The following DNAAF9 variants were observed in gnomAD, a reference collection of about 807,000 sequenced individuals.
DNAAF9 encodes the protein dynein axonemal assembly factor 9, also known as shulin.
In DNAAF9, 90 loss-of-function variants were observed where a neutral mutation model predicts 167.0. The ratio of observed to expected loss-of-function variants is 0.54; its 90% CI spans 0.45 to 0.64. The LOEUF (loss-of-function observed/expected upper bound fraction) is 0.64, where lower values mean the gene tolerates loss of function less well. DNAAF9 is among the 30% of genes least tolerant of loss of function. The probability of loss-of-function intolerance (pLI) is 0.00; values close to 1 mark genes in which losing one functional copy is unlikely to be tolerated. For synonymous variants in DNAAF9, 491 were observed against 508.8 expected (o/e 0.96, Z 0.47); for missense variants, 1,315 against 1,442.2 (o/e 0.91, Z 1.43).
chr20:3,326,151 C>G (rs779913044), intron 13 of DNAAF9, 46 bp downstream of exon 13: 2 of 1,332,194 alleles, frequency 1.5e-6, no homozygotes, highest in African/African-American at 2.9e-5. Context: ...GAATGTTTTA[C>G]ATTAAAATAA....
chr20:3,385,732 T>G (rs1156389248), intron 1 of DNAAF9, among the ~76,000 whole-genome samples: 1 of 152,188 alleles, frequency 6.6e-6, no homozygotes, highest in African/African-American at 2.4e-5. Flanking sequence ...AAACCAAAAT[T>G]TAAAATACAA....
intron 17 of DNAAF9, among the ~76,000 whole-genome samples, chr20:3,317,982 G>A (rs2069534859): frequency 6.6e-6 from 1 of 152,058 alleles, no homozygotes; most frequent in South Asian, 2.1e-4. Context: ...TTCCACGTCT[G>A]TGAAGTGCCT....
intron 11 of DNAAF9, 149 bp from the exon 12 acceptor site, chr20:3,330,831 G>T: frequency 1.8e-6 from 1 of 551,462 alleles, no homozygotes; most frequent in Non-Finnish European, 3.2e-6. Context: ...TAGCTTTGTC[G>T]CCCAGGCTGG....
intron 6 of DNAAF9, among the ~76,000 whole-genome samples, chr20:3,371,843 T>C (rs1220757347): frequency 6.6e-6 from 1 of 152,202 alleles, no homozygotes; most frequent in Non-Finnish European, 1.5e-5. Context: ...CTTGTGGAGC[T>C]GATTGATGTA....
chr20:3,405,006 A>G (rs1461166174), intron 1 of DNAAF9, among the ~76,000 whole-genome samples: 2 of 152,200 alleles, frequency 1.3e-5, no homozygotes, highest in Non-Finnish European at 2.9e-5. Flanking sequence ...CTACCATGAC[A>G]GAAGGAAAGA....
intron 30 of DNAAF9, among the ~76,000 whole-genome samples, chr20:3,265,154 T>C (rs1411930788): frequency 6.6e-6 from 1 of 151,574 alleles, no homozygotes; most frequent in Admixed American, 6.6e-5. Context: ...CAGAAACTAA[T>C]TTTCAACAAG....
In DNAAF9 at chr20:3,327,484, AG is replaced by A. The variant is rs528557427; in HGVS notation, c.1101-1201del. Reference sequence around the variant, plus strand: ...CTTACGAAGAGAAGGGGCTCATCCAAGGGTCCCTGAAAGGCCAGGAGAGGCA... The same window carrying A: ...CTTACGAAGAGAAGGGGCTCATCCAAGGTCCCTGAAAGGCCAGGAGAGGCA... On this transcript the variant is annotated intron_variant, in intron 12 of 36. Transcript: ENST00000252032. 3.1e-3 allele frequency among the ~76,000 whole-genome samples: 471 copies of A among 152,242 alleles called. 4 individuals carry two copies. The highest frequency in any genetic ancestry group is 0.01 in the African/African-American group (436 of 41,552).
intron 25 of DNAAF9, among the ~76,000 whole-genome samples, chr20:3,293,292 CAAAA>C (rs1172725572): frequency 8.7e-5 from 2 of 22,862 alleles, no homozygotes; most frequent in East Asian, 1.6e-3. Flanking sequence ...GACTCCGTCT[CAAAA>C]AAAAAAAAAA....
intron 27 of DNAAF9, among the ~76,000 whole-genome samples, chr20:3,282,241 G>A (rs1384446793): frequency 2.0e-5 from 3 of 152,130 alleles, no homozygotes; most frequent in African/African-American, 7.2e-5. Flanking sequence ...GGTATCTCCT[G>A]CCTGGAACTC....
chr20:3,387,884 T>TAAAAAAAAAAAAAAAAAAAAAAAAA (rs557861791), intron 1 of DNAAF9, among the ~76,000 whole-genome samples: 1 of 87,366 alleles, frequency 1.1e-5, no homozygotes, highest in African/African-American at 4.8e-5. Flanking sequence ...CTACAAAAAG[T>TAAAAAAAAAAAAAAAAAAAAAAAAA]AAAAAAAAAA....
chr20:3,356,410 G>A (rs937567238), intron 7 of DNAAF9, among the ~76,000 whole-genome samples: 4 of 152,126 alleles, frequency 2.6e-5, no homozygotes, highest in African/African-American at 9.7e-5. Context: ...TACGAAATGT[G>A]TTCCTGGTAA....
At chr20:3,300,422 T>C (rs187178102) in intron 21 of DNAAF9, among the ~76,000 whole-genome samples, 1 of 151,982 alleles carries the variant, frequency 6.6e-6, no homozygotes, top group Admixed American at 6.6e-5. Context: ...CCCTAGTACT[T>C]TACTCTTTTT....
chr20:3,262,594 G>A (rs2068411294), intron 31 of DNAAF9, among the ~76,000 whole-genome samples: 1 of 152,072 alleles, frequency 6.6e-6, no homozygotes, highest in African/African-American at 2.4e-5. Flanking sequence ...ACTCTCTCCT[G>A]GATTAGTCTG....
intron 30 of DNAAF9, among the ~76,000 whole-genome samples, chr20:3,270,112 G>A (rs1448695740): frequency 1.3e-5 from 2 of 148,720 alleles, no homozygotes; most frequent in Non-Finnish European, 3.0e-5. Flanking sequence ...GAGATTACAG[G>A]CACGAGCCAT....
Position 3,251,336 on chromosome 20 carries a change from G to A in DNAAF9, c.*1236C>T, listed in dbSNP as rs1276866127. On this transcript the variant is annotated 3_prime_UTR_variant, in exon 37 of 37. Coordinates refer to ENST00000252032, the MANE Select transcript of DNAAF9 (RefSeq NM_001009984.3). ...GTTTTACCTATGTGCTTCTTCCTAA[G>A]GCATGCAAAAAAAAATATGTGAAAT... 1 of 150,134 alleles carries A rather than the reference G, an allele frequency of 6.7e-6. No individual in the cohort carries two copies. Among genetic ancestry groups the A allele is most frequent in the Admixed American group, 6.7e-5 (1 of 14,994 alleles). The allele number at this position is 150,134 out of a possible 1,614,324, so 9.3% of individuals were successfully genotyped here.
In DNAAF9 at chr20:3,407,596, T is replaced by A; in HGVS notation, c.-39A>T. 1 of 1,214,812 alleles carries A rather than the reference T, an allele frequency of 8.2e-7. No individual in the cohort carries two copies. Among genetic ancestry groups the A allele is most frequent in the South Asian group, 4.0e-5 (1 of 24,816 alleles). 75.3% of individuals were successfully genotyped at this position (1,214,812 alleles called of 1,614,324 possible). On this transcript the variant is annotated 5_prime_UTR_variant, in exon 1 of 37. Transcript: ENST00000252032. ...TGGCGGCGGAGGAGGACGGTGCAGC[T>A]GCGAGGGTCTCAGTTGCCCGCAGGG...
intron 3 of DNAAF9, among the ~76,000 whole-genome samples, chr20:3,379,040 T>C (rs2083611727): frequency 6.6e-6 from 1 of 151,802 alleles, no homozygotes; most frequent in Non-Finnish European, 1.5e-5. Context: ...AGCCCTTCCC[T>C]GAGTCATTCG....
In DNAAF9 at chr20:3,315,865, A is replaced by T. The variant is rs565414893; in HGVS notation, c.1540-80T>A. 7 of 1,061,156 alleles carry T rather than the reference A, an allele frequency of 6.6e-6. No individual in the cohort carries two copies. The East Asian group carries it at 1.7e-4, about 25-fold the overall frequency. The allele number at this position is 1,061,156 out of a possible 1,614,324, so 65.7% of individuals were successfully genotyped here. Reference sequence around the variant, plus strand: ...CTAGGTCTCCCCACTGTGTTCAAATATTTCCAGGACACTGGCTGGACAGTC... The same window carrying T: ...CTAGGTCTCCCCACTGTGTTCAAATTTTTCCAGGACACTGGCTGGACAGTC... On this transcript the variant is annotated intron_variant, in intron 18 of 36. Transcript: ENST00000252032. The surrounding 1 kb of genome is among the most constrained non-coding windows in gnomAD (Gnocchi z 4.1).
chr20:3,328,218 G>T (rs1459064525), intron 12 of DNAAF9, among the ~76,000 whole-genome samples: 2 of 96,302 alleles, frequency 2.1e-5, no homozygotes, highest in Non-Finnish European at 4.3e-5. Flanking sequence ...GTCTTGCTCT[G>T]TCACCCAGGC....
Sources: gnomAD v4.1 joint callset for allele counts (sites outside exome capture counted in the v4.1 genomes callset) on GRCh38, gnomAD v4.1.1 for gene constraint, Gnocchi (gnomAD v3.1) non-coding constraint, MANE v1.5 for transcripts, NCBI Gene and HGNC (gene_info 2026-07-23, HGNC 2026-07-21) for gene names.